Variants in PCNX1 observed in about 807,000 individuals in gnomAD.
The protein encoded by PCNX1 is pecanex 1.
In PCNX1, 78 loss-of-function variants were observed where a neutral mutation model predicts 242.2. The ratio of observed to expected loss-of-function variants is 0.32; its 90% CI spans 0.27 to 0.39. The LOEUF is 0.39. Among genes scored for constraint, PCNX1 ranks in the 10% least tolerant of loss-of-function variants. PCNX1 has a pLI of 1.00. For missense variants in PCNX1, 2,581 were observed against 2,856.5 expected (o/e 0.90, Z 2.20); for synonymous variants, 1,024 against 1,032.9 (o/e 0.99, Z 0.17).
chr14:71,050,766 C>T lies in PCNX1; in HGVS notation c.4447+6C>T. ...TCAGCCTTTTGCAGTGCCTCGTATC[C>T]TTCTAATTAAAGTTTTATAAGAATG... On this transcript the variant is annotated splice_donor_region_variant and intron_variant, in intron 23 of 35. Transcript: ENST00000304743. 6.2e-7 allele frequency: 1 copy of T among 1,610,232 alleles called. No homozygotes were observed. The highest frequency in any genetic ancestry group is 8.5e-7 in the Non-Finnish European group (1 of 1,178,666).
chr14:71,006,939 C>G (rs1171438946), intron 8 of PCNX1, among the ~76,000 whole-genome samples: 1 of 152,018 alleles, frequency 6.6e-6, no homozygotes, highest in Non-Finnish European at 1.5e-5. Context: ...CTGACAAATG[C>G]CATGCGTATT....
At chr14:71,078,342 G>A (rs2061768783) in intron 28 of PCNX1, among the ~76,000 whole-genome samples, 2 of 152,154 alleles carry the variant, frequency 1.3e-5, no homozygotes, top group South Asian at 4.1e-4. Context: ...ACTCCAAACT[G>A]TAGTGCCCTC....
At chr14:71,067,888 A>T (rs761527493) in intron 26 of PCNX1, among the ~76,000 whole-genome samples, 1 of 151,954 alleles carries the variant, frequency 6.6e-6, no homozygotes, top group Non-Finnish European at 1.5e-5. Context: ...TATAGTAGTC[A>T]TTCAGGAGCT....
In PCNX1 at chr14:71,114,380, T is replaced by C. The variant is rs2062813097; in HGVS notation, c.*4445T>C. On this transcript the variant is annotated 3_prime_UTR_variant, in exon 36 of 36. Transcript: ENST00000304743. ...GTGATTGGAAAGGAATTAATTATTA[T>C]ACAAATAAATCTGGTAGGATATGAG... The C allele has an allele frequency of 2.0e-5, 3 of 152,232 alleles. No individual in the cohort carries two copies. In the South Asian group the frequency reaches 6.2e-4, roughly 32 times the overall value. 9.4% of individuals were successfully genotyped at this position (152,232 alleles called of 1,614,324 possible).
At chr14:70,928,469 A>T (rs1221943777) in intron 1 of PCNX1, among the ~76,000 whole-genome samples, 3 of 152,204 alleles carry the variant, frequency 2.0e-5, no homozygotes, top group African/African-American at 7.2e-5. Context: ...CATATTTACC[A>T]TTTAGAAATT....
At chr14:71,029,324 T>C (rs1329472735) in intron 16 of PCNX1, among the ~76,000 whole-genome samples, 1 of 152,200 alleles carries the variant, frequency 6.6e-6, no homozygotes, top group Non-Finnish European at 1.5e-5. Flanking sequence ...GTAGACAGCT[T>C]TCAGCTCCTC....
chr14:71,083,387 G>A (rs2061904432), intron 28 of PCNX1, among the ~76,000 whole-genome samples: 1 of 152,106 alleles, frequency 6.6e-6, no homozygotes, highest in Admixed American at 6.6e-5. Context: ...TCCTGAATCT[G>A]AATGTTGGCC....
At chr14:71,051,709 T>G (rs1023794050) in intron 23 of PCNX1, among the ~76,000 whole-genome samples, 174 bp from the exon 24 acceptor site, 1 of 152,212 alleles carries the variant, frequency 6.6e-6, no homozygotes, top group Non-Finnish European at 1.5e-5. Context: ...ATGTATGTCT[T>G]TCTGTTGGTG....
rs536327527 is a variant in PCNX1, at chr14:71,073,706, A to G, written c.5014A>G (p.Ile1672Val). The change falls in exon 27 of 36, where the codon ATT becomes GTT. Residue 1672 changes from isoleucine to valine, a missense_variant. Around this residue, in one of 9 missense-constraint regions of PCNX1, gnomAD observed 298 missense variants for 480.1 expected, o/e 0.62. Coordinates refer to ENST00000304743, the MANE Select transcript of PCNX1 (RefSeq NM_014982.3). ...LAWEVIVTKY[I>V]LEGYSITDNS... ...TTGGGAAGTGATAGTCACAAAGTAC[A>G]TTCTGGAGGGTTATAGCATCACTGA... 1 of 1,614,030 alleles carries G rather than the reference A, an allele frequency of 6.2e-7. No homozygotes were observed. Among genetic ancestry groups the G allele is most frequent in the Non-Finnish European group, 8.5e-7 (1 of 1,179,928 alleles).
At position 70,973,077 on chromosome 14, in the gene PCNX1, C is replaced by T. The variant is rs189296450; in HGVS notation, c.605-3865C>T. ...TACCAGCCTGGGCAACATGGTGAAGCCCTGCCTTTAAGAAAAAATACAAAA... is the reference window on the plus strand; with the variant it reads ...TACCAGCCTGGGCAACATGGTGAAGTCCTGCCTTTAAGAAAAAATACAAAA... On this transcript the variant is annotated intron_variant, in intron 5 of 35. Transcript: ENST00000304743. Among the ~76,000 whole-genome samples the T allele has an allele frequency of 1.5e-3, 234 of 151,940 alleles. 1 individual carries two copies. The highest frequency in any genetic ancestry group is 0.013 in the South Asian group (62 of 4,808).
chr14:71,050,785 A>G (rs2061005142), intron 23 of PCNX1, 25 bp downstream of exon 23: 1 of 1,600,876 alleles, frequency 6.2e-7, no homozygotes, highest in Non-Finnish European at 8.5e-7. Flanking sequence ...AAAGTTTTAT[A>G]AGAATGGACA....
intron 33 of PCNX1, among the ~76,000 whole-genome samples, chr14:71,105,754 G>T (rs189551340): frequency 6.6e-6 from 1 of 151,562 alleles, no homozygotes; most frequent in Admixed American, 6.6e-5. Flanking sequence ...TGTTAGCCAG[G>T]ATGTTCTCCA....
chr14:70,977,400 A>G lies in PCNX1; in HGVS notation c.1063A>G (p.Lys355Glu). 1.2e-6 allele frequency: 2 copies of G among 1,614,092 alleles called. No homozygotes were observed. Among genetic ancestry groups the G allele is most frequent in the Non-Finnish European group, 1.7e-6 (2 of 1,180,022 alleles). Residue 355 changes from lysine to glutamate, a missense_variant, in exon 6 of 36, where the codon AAA becomes GAA. Coordinates refer to ENST00000304743, the MANE Select transcript of PCNX1 (RefSeq NM_014982.3). ...LKINTSQPPTKSGKSKPLKAE... is the reference protein window; with the variant it reads ...LKINTSQPPTESGKSKPLKAE... Reference sequence around the variant, plus strand: ...AATCAATACTTCTCAGCCACCCACAAAAAGTGGGAAGAGCAAACCTTTGAA... The same window carrying G: ...AATCAATACTTCTCAGCCACCCACAGAAAGTGGGAAGAGCAAACCTTTGAA...
At chr14:71,083,201 C>T (rs997268055) in intron 28 of PCNX1, among the ~76,000 whole-genome samples, 7 of 152,272 alleles carry the variant, frequency 4.6e-5, no homozygotes, top group South Asian at 4.1e-4. Flanking sequence ...CTGGCTTGTG[C>T]GGTTTCTGCA....
chr14:70,975,619 C>T (rs937634639), intron 5 of PCNX1, among the ~76,000 whole-genome samples: 2 of 152,030 alleles, frequency 1.3e-5, no homozygotes, highest in Admixed American at 1.3e-4. Context: ...TTTGTCTATC[C>T]AGCTATGACA....
intron 2 of PCNX1, among the ~76,000 whole-genome samples, chr14:70,960,805 A>C (rs1025917504): frequency 6.6e-6 from 1 of 152,142 alleles, no homozygotes; most frequent in African/African-American, 2.4e-5. Context: ...CTGATAAGCA[A>C]CTTCAGCAAA....
intron 10 of PCNX1, chr14:71,012,540 A>T (rs1595237468): frequency 5.3e-6 from 1 of 190,448 alleles, no homozygotes; most frequent in Non-Finnish European, 1.1e-5. Context: ...TAACATATTC[A>T]TAAAGAGTAG....
chr14:70,908,996 G>A (rs2055705284), intron 1 of PCNX1, among the ~76,000 whole-genome samples: 1 of 152,212 alleles, frequency 6.6e-6, no homozygotes, highest in Non-Finnish European at 1.5e-5. Flanking sequence ...GGGAGGAAAG[G>A]ATCTGAACTT....
intron 1 of PCNX1, among the ~76,000 whole-genome samples, chr14:70,938,542 T>C (rs1450431220): frequency 1.3e-5 from 2 of 152,256 alleles, no homozygotes; most frequent in Non-Finnish European, 2.9e-5. Context: ...CAGTATTTTA[T>C]TGAGGATTTT....
Sources: allele counts gnomAD v4.1 joint callset (sites outside exome capture counted in the v4.1 genomes callset), GRCh38; gene constraint gnomAD v4.1.1; regional missense constraint gnomAD v4.1.1; transcripts MANE v1.5; gene names NCBI Gene and HGNC (gene_info 2026-07-23, HGNC 2026-07-21).